ADAMTS20: variants seen among roughly 807,000 people sequenced by gnomAD.
The protein encoded by ADAMTS20 is A disintegrin and metalloproteinase with thrombospondin motifs 20.
ADAMTS20 carries 225 observed loss-of-function variants against 260.1 expected under a neutral mutation model. The observed-to-expected ratio is 0.87, with a 90% CI of 0.78 to 0.97. The LOEUF (loss-of-function observed/expected upper bound fraction) is 0.97. Ranked by LOEUF, ADAMTS20 falls within the 50% of genes least tolerant of loss-of-function variation. The pLI, the probability that ADAMTS20 is intolerant of heterozygous loss-of-function variation, is 0.00. For missense variants in ADAMTS20, 2,400 were observed against 2,337.7 expected, an observed-to-expected ratio of 1.03 and a Z score of -0.55; for synonymous variants, 802 against 769.5, an observed-to-expected ratio of 1.04 and a Z score of -0.70.
chr12:43,408,917 T>C (rs1592053343), intron 28 of ADAMTS20, among the ~76,000 whole-genome samples: 1 of 151,924 alleles, frequency 6.6e-6, no homozygotes, highest in African/African-American at 2.4e-5. Context: ...ATGATAATAA[T>C]AACACTTACA....
intron 3 of ADAMTS20, among the ~76,000 whole-genome samples, chr12:43,529,655 C>T (rs1013592565): frequency 2.0e-5 from 3 of 151,866 alleles, no homozygotes; most frequent in Non-Finnish European, 2.9e-5. Flanking sequence ...GACTCAGAAG[C>T]GGGAGGGTAG....
chr12:43,550,791 T>C lies in ADAMTS20; in HGVS notation c.453+118A>G, dbSNP rs1475158329. 4 of 1,392,288 alleles carry C rather than the reference T, an allele frequency of 2.9e-6. No individual in the cohort carries two copies. In the African/African-American group the frequency reaches 4.4e-5, roughly 15 times the overall value. 86.2% of individuals were successfully genotyped at this position (1,392,288 alleles called of 1,614,324 possible). On this transcript the variant is annotated intron_variant, in intron 2 of 38. Transcript: ENST00000389420. The stretch of plus-strand genomic sequence containing the variant: ...TCTGGCTTGGTGTTAATCCTTCTTG[T>C]AGCCCAACCTGAACTCCAGGGTCAT...
intron 29 of ADAMTS20, among the ~76,000 whole-genome samples, chr12:43,390,685 A>T (rs535531981): frequency 6.6e-6 from 1 of 152,290 alleles, no homozygotes; most frequent in East Asian, 1.9e-4. Flanking sequence ...TACACTGTCC[A>T]ATAACAATTT....
chr12:43,453,841 A>C (rs1039278780), intron 12 of ADAMTS20, 66 bp downstream of exon 12: 15 of 1,535,018 alleles, frequency 9.8e-6, no homozygotes, highest in Non-Finnish European at 1.3e-5. Flanking sequence ...GAAGTGAGTG[A>C]AACTGATGTT....
chr12:43,453,998 C>A lies in ADAMTS20; in HGVS notation c.1669G>T (p.Gly557Cys), dbSNP rs533252876. The change falls in exon 12 of 39, where the codon GGT becomes TGT. Residue 557 changes from glycine to cysteine, a missense_variant. Coordinates refer to ENST00000389420, the MANE Select transcript of ADAMTS20 (RefSeq NM_025003.5). ...NKETETRPVN[G>C]EWGPWEPYSS... ...TAAGGTTCCCATGGTCCCCATTCAC[C>A]ATTTACAGGACGTGTTTCCGTTTCT... 1 of 1,613,754 alleles carries A rather than the reference C, an allele frequency of 6.2e-7. No individual in the cohort carries two copies. The highest frequency in any genetic ancestry group is 1.3e-5 in the African/African-American group (1 of 75,028).
At chr12:43,440,987 C>T (rs901769555) in intron 16 of ADAMTS20, among the ~76,000 whole-genome samples, 26 of 151,586 alleles carry the variant, frequency 1.7e-4, no homozygotes, top group African/African-American at 5.8e-4. Flanking sequence ...ATGGCGTGAA[C>T]CCGGGAGGCG....
intron 3 of ADAMTS20, among the ~76,000 whole-genome samples, chr12:43,522,278 A>G (rs931944712): frequency 2.6e-5 from 4 of 152,170 alleles, no homozygotes; most frequent in South Asian, 2.1e-4. Flanking sequence ...AGACCCACTC[A>G]TTATCATGAG....
At chr12:43,358,896 A>C (rs1280859891) in intron 37 of ADAMTS20, among the ~76,000 whole-genome samples, 1 of 151,860 alleles carries the variant, frequency 6.6e-6, no homozygotes, top group African/African-American at 2.4e-5. Context: ...ATAAAAAGGT[A>C]CTTATACATT....
chr12:43,547,110 G>C (rs1388614473), intron 2 of ADAMTS20, among the ~76,000 whole-genome samples: 2 of 152,128 alleles, frequency 1.3e-5, no homozygotes, highest in African/African-American at 4.8e-5. Flanking sequence ...CACATGTTTG[G>C]GGTTAATTCA....
intron 3 of ADAMTS20, among the ~76,000 whole-genome samples, chr12:43,526,111 A>T (rs1412968421): frequency 6.6e-6 from 1 of 152,238 alleles, no homozygotes; most frequent in Non-Finnish European, 1.5e-5. Flanking sequence ...ATTTTCTAAG[A>T]TAGACCATAT....
rs560269196 is a variant in ADAMTS20, at chr12:43,389,806, C to G, written c.4453-5829G>C. Among the ~76,000 whole-genome samples the G allele has an allele frequency of 9.9e-5, 15 of 152,252 alleles. No individual in the cohort carries two copies. The South Asian group carries it at 2.1e-3, about 21-fold the overall frequency. On this transcript the variant is annotated intron_variant, in intron 29 of 38. Coordinates refer to ENST00000389420, the MANE Select transcript of ADAMTS20 (RefSeq NM_025003.5). ...ATGATTTCCATCTGAGACCTCATGGCCTTTACTGTCCATATTTCCATGAAC... is the reference window on the plus strand; with the variant it reads ...ATGATTTCCATCTGAGACCTCATGGGCTTTACTGTCCATATTTCCATGAAC...
chr12:43,353,767 T>C (rs1273083471), downstream of ADAMTS20: 1 of 152,336 alleles, frequency 6.6e-6, no homozygotes. Context: ...ATAATGTTTA[T>C]AGTAATTTTG....
intron 4 of ADAMTS20, among the ~76,000 whole-genome samples, chr12:43,499,095 T>A (rs772079593): frequency 6.6e-6 from 1 of 152,146 alleles, no homozygotes; most frequent in Non-Finnish European, 1.5e-5. Context: ...AAAGAAAGCA[T>A]ATACAAAAAC....
At chr12:43,513,297 C>T (rs1024368214) in intron 3 of ADAMTS20, among the ~76,000 whole-genome samples, 1 of 152,180 alleles carries the variant, frequency 6.6e-6, no homozygotes, top group Non-Finnish European at 1.5e-5. Flanking sequence ...TCTCAAGAAA[C>T]CAACCCATAG....
intron 28 of ADAMTS20, among the ~76,000 whole-genome samples, chr12:43,414,042 T>C (rs568204237): frequency 2.0e-5 from 3 of 152,350 alleles, no homozygotes; most frequent in African/African-American, 7.2e-5. Context: ...TAACACACAG[T>C]AACTTCTAGG....
intron 37 of ADAMTS20, among the ~76,000 whole-genome samples, chr12:43,358,730 G>A (rs1471971069): frequency 2.7e-5 from 4 of 150,434 alleles, no homozygotes; most frequent in East Asian, 2.0e-4. Flanking sequence ...CCAGCTACAC[G>A]GGAGGCTGAG....
intron 7 of ADAMTS20, among the ~76,000 whole-genome samples, chr12:43,471,676 C>T (rs1942264536): frequency 2.1e-5 from 3 of 139,568 alleles, no homozygotes; most frequent in Admixed American, 7.4e-5. Context: ...GGGTCCCTGA[C>T]CCCTGACCCC....
At chr12:43,500,174 A>G (rs1033405414) in intron 4 of ADAMTS20, among the ~76,000 whole-genome samples, 3 of 151,946 alleles carry the variant, frequency 2.0e-5, no homozygotes, top group Non-Finnish European at 2.9e-5. Context: ...GATTACAGGC[A>G]TGTGCCACCA....
intron 16 of ADAMTS20, among the ~76,000 whole-genome samples, chr12:43,441,381 C>T (rs1941663289): frequency 6.6e-6 from 1 of 151,738 alleles, no homozygotes; most frequent in African/African-American, 2.4e-5. Context: ...AGTAACATTA[C>T]TTTTTAAATA....
Sources: gnomAD v4.1 joint callset for allele counts (sites outside exome capture counted in the v4.1 genomes callset) on GRCh38, gnomAD v4.1.1 for gene constraint, MANE v1.5 for transcripts, NCBI Gene and HGNC (gene_info 2026-07-23, HGNC 2026-07-21) for gene names.